PCLO: variants seen among roughly 807,000 people sequenced by gnomAD.
PCLO encodes protein piccolo.
PCLO carries 82 observed loss-of-function variants against 427.5 expected under a neutral mutation model. The ratio of observed to expected loss-of-function variants is 0.19; its 90% CI spans 0.16 to 0.23. The LOEUF is 0.23. PCLO is among the 10% of genes least tolerant of loss of function. PCLO has a pLI of 1.00. For missense variants in PCLO, 6,239 were observed against 6,115.9 expected (o/e 1.02, Z -0.67); for synonymous variants, 2,357 against 2,155.4 (o/e 1.09, Z -2.59).
intron 10 of PCLO, among the ~76,000 whole-genome samples, chr7:82,853,044 T>C (rs184272906): frequency 1.4e-4 from 21 of 152,256 alleles, no homozygotes; most frequent in Admixed American, 1.1e-3. Context: ...CTGCAAATGA[T>C]GAGATCTCAT....
At position 82,756,436 on chromosome 7, in the gene PCLO, A is replaced by T. The variant is rs1790319735; in HGVS notation, c.*2139T>A. The T allele has an allele frequency of 6.6e-6, 1 of 151,984 alleles. No homozygotes were observed. Among genetic ancestry groups the T allele is most frequent in the African/African-American group, 2.4e-5 (1 of 41,400 alleles). The allele number at this position is 151,984 out of a possible 1,614,324, so 9.4% of individuals were successfully genotyped here. A position where few individuals can be genotyped will look rare whatever the true frequency, so the allele number is the denominator to read the frequency against. ...CATTTGAGAGCAATGTCAATGGTAA[A>T]TGACATTGTATTGTCAGTGGAGGGG... On this transcript the variant is annotated 3_prime_UTR_variant, in exon 25 of 25. Transcript: ENST00000333891.
At chr7:82,852,088 C>T (rs1256883728) in intron 10 of PCLO, among the ~76,000 whole-genome samples, 1 of 151,788 alleles carries the variant, frequency 6.6e-6, no homozygotes, top group African/African-American at 2.4e-5. Flanking sequence ...AGGGGGGAAT[C>T]TTTGGTAAAG....
intron 3 of PCLO, among the ~76,000 whole-genome samples, chr7:83,092,467 T>C (rs999923534): frequency 6.6e-6 from 1 of 152,128 alleles, no homozygotes; most frequent in Non-Finnish European, 1.5e-5. Flanking sequence ...TTTATCTACT[T>C]TTCTACTTAG....
At chr7:83,092,290 A>T (rs1417460517) in intron 3 of PCLO, among the ~76,000 whole-genome samples, 2 of 152,194 alleles carry the variant, frequency 1.3e-5, no homozygotes, top group African/African-American at 4.8e-5. Context: ...AAGATTCTCT[A>T]CAAAACTTGA....
intron 20 of PCLO, among the ~76,000 whole-genome samples, chr7:82,812,341 T>G (rs1239987826): frequency 6.6e-6 from 1 of 151,538 alleles, no homozygotes; most frequent in Admixed American, 6.6e-5. Flanking sequence ...TATAGAGGAA[T>G]TTTTTCTTAC....
intron 4 of PCLO, among the ~76,000 whole-genome samples, chr7:82,963,510 T>C (rs778366102): frequency 6.6e-5 from 10 of 152,100 alleles, no homozygotes; most frequent in African/African-American, 9.7e-5. Flanking sequence ...ACTTCTTTCA[T>C]TTCTAGCATG....
chr7:83,079,350 A>C (rs1790037077), intron 3 of PCLO, among the ~76,000 whole-genome samples: 1 of 152,132 alleles, frequency 6.6e-6, no homozygotes, highest in Admixed American at 6.6e-5. Flanking sequence ...GGTCAACTGA[A>C]ATAAAAATAG....
At chr7:83,056,137 G>C (rs1789373155) in intron 3 of PCLO, among the ~76,000 whole-genome samples, 1 of 152,038 alleles carries the variant, frequency 6.6e-6, no homozygotes, top group Non-Finnish European at 1.5e-5. Context: ...TTAAAATATA[G>C]GTTTCTGGGC....
At chr7:82,972,266 A>C (rs1379296733) in intron 3 of PCLO, among the ~76,000 whole-genome samples, 1 of 152,038 alleles carries the variant, frequency 6.6e-6, no homozygotes, top group Non-Finnish European at 1.5e-5. Flanking sequence ...TAAGAAGGAA[A>C]GTAGAAAATG....
chr7:83,107,173 C>A (rs1466469684), intron 3 of PCLO, among the ~76,000 whole-genome samples: 1 of 152,112 alleles, frequency 6.6e-6, no homozygotes, highest in Non-Finnish European at 1.5e-5. Flanking sequence ...GGGTGATAAG[C>A]ATAGTACCTG....
At chr7:83,141,405 G>C (rs1397588488) in intron 2 of PCLO, among the ~76,000 whole-genome samples, 1 of 152,196 alleles carries the variant, frequency 6.6e-6, no homozygotes, top group Non-Finnish European at 1.5e-5. Flanking sequence ...GTGCATAAAT[G>C]AAATTCAAGG....
At chr7:82,837,400 GTT>G (rs1792257228) in intron 15 of PCLO, among the ~76,000 whole-genome samples, 1 of 151,858 alleles carries the variant, frequency 6.6e-6, no homozygotes, top group Non-Finnish European at 1.5e-5. Flanking sequence ...AATAAAACCA[GTT>G]TCTTTAAATT....
At chr7:83,093,493 T>TATATATATA (rs61169701) in intron 3 of PCLO, among the ~76,000 whole-genome samples, 1 of 63,636 alleles carries the variant, frequency 1.6e-5, no homozygotes, top group African/African-American at 6.5e-5. Context: ...TATATATATA[T>TATATATATA]TTTTTTTTTT....
At chr7:82,921,012 A>T (rs528266180) in intron 6 of PCLO, among the ~76,000 whole-genome samples, 17 of 151,962 alleles carry the variant, frequency 1.1e-4, no homozygotes, top group Admixed American at 2.6e-4. Context: ...TAATTCTAAA[A>T]TGCATGGCTC....
Position 83,134,566 on chromosome 7 carries a change from G to A in PCLO, c.2984C>T (p.Pro995Leu), listed in dbSNP as rs1202686904. ...TGGGGCTTTTGTTTCCTTTTTCACA[G>A]GTATACTTTTTGCAGGTGCTGGTGG... ...QAPPAPAKSI[P>L]VKKETKAPAA... is the part of the protein sequence containing the mutation. Residue 995 changes from proline to leucine, a missense_variant, in exon 3 of 25, where the codon CCT becomes CTT. Pro to Leu is a moderately conservative substitution (Grantham distance 98). This residue lies in a region of PCLO where 4,677 missense variants were observed against 4,468.4 expected (regional missense o/e 1.05). Coordinates refer to ENST00000333891, the MANE Select transcript of PCLO (RefSeq NM_033026.6). The A allele has an allele frequency of 6.2e-7, 1 of 1,613,730 alleles. No homozygotes were observed. The highest frequency in any genetic ancestry group is 8.5e-7 in the Non-Finnish European group (1 of 1,179,820).
intron 3 of PCLO, among the ~76,000 whole-genome samples, chr7:83,061,835 A>T (rs1444762440): frequency 6.6e-6 from 1 of 152,136 alleles, no homozygotes; most frequent in Non-Finnish European, 1.5e-5. Flanking sequence ...ATTTGGGTTG[A>T]CTCTGGCTTT....
Position 83,155,097 on chromosome 7 carries a change from C to T in PCLO, c.1544G>A (p.Gly515Asp), listed in dbSNP as rs1335275886. 2.5e-6 allele frequency: 4 copies of T among 1,583,702 alleles called. No homozygotes were observed. The highest frequency in any genetic ancestry group is 2.8e-5 in the African/African-American group (2 of 70,912). The change falls in exon 2 of 25, where the codon GGC becomes GAC. Residue 515 changes from glycine to aspartate, a missense_variant. Gly to Asp is a moderately conservative substitution (Grantham distance 94). Around this residue, in one of 5 missense-constraint regions of PCLO, gnomAD observed 4,677 missense variants for 4,468.4 expected, o/e 1.05. Coordinates refer to ENST00000333891, the MANE Select transcript of PCLO (RefSeq NM_033026.6). ...GSTKPPPQQP[G>D]PAKPSPQQPG... Reference sequence around the variant, plus strand: ...CTGTTGAGGTGAGGGCTTTGCTGGGCCAGGCTGTTGAGGTGGGGGTTTTGT... The same window carrying T: ...CTGTTGAGGTGAGGGCTTTGCTGGGTCAGGCTGTTGAGGTGGGGGTTTTGT...
chr7:82,851,449 A>G (rs1584048293), intron 10 of PCLO, among the ~76,000 whole-genome samples: 1 of 152,232 alleles, frequency 6.6e-6, no homozygotes, highest in East Asian at 1.9e-4. Flanking sequence ...ACACGCGCAC[A>G]AAATAAATCA....
chr7:83,036,824 C>T (rs181557868), intron 3 of PCLO, among the ~76,000 whole-genome samples: 70 of 152,216 alleles, frequency 4.6e-4, no homozygotes, highest in African/African-American at 1.6e-3. Context: ...ATTGTAATTG[C>T]TTCCATCTGA....
Sources: allele counts gnomAD v4.1 joint callset (sites outside exome capture counted in the v4.1 genomes callset), GRCh38; gene constraint gnomAD v4.1.1; regional missense constraint gnomAD v4.1.1; transcripts MANE v1.5; gene names NCBI Gene and HGNC (gene_info 2026-07-23, HGNC 2026-07-21).